The following ZNF474 variants were observed in gnomAD, a reference collection of about 807,000 sequenced individuals.
ZNF474 encodes the protein 4933409D10Rik.
For synonymous variants in ZNF474, 192 were observed against 162.2 expected, an observed-to-expected ratio of 1.18 and a Z score of -1.39; for missense variants, 511 against 433.8, an observed-to-expected ratio of 1.18 and a Z score of -1.58.
chr5:122,146,282 T>C (rs1283830012), intron 1 of ZNF474, among the ~76,000 whole-genome samples: 1 of 152,146 alleles, frequency 6.6e-6, no homozygotes, highest in Non-Finnish European at 1.5e-5. Context: ...GACAATAAGT[T>C]AATAACTGGC....
In ZNF474 at chr5:122,153,009, C is replaced by G; in HGVS notation, c.1019C>G (p.Ala340Gly). ...TCCAAGCAGCAAAGGAACAGGGCAGCACCCAGTGTAACTGATAAGGTAATT... is the reference window on the plus strand; with the variant it reads ...TCCAAGCAGCAAAGGAACAGGGCAGGACCCAGTGTAACTGATAAGGTAATT... The part of the protein sequence containing the change: ...TNSKQQRNRA[A>G]PSVTDKVIHA... Residue 340 changes from alanine (A) to glycine (G), a missense_variant, in exon 2 of 2, where the codon GCA becomes GGA. By Grantham distance (60) the Ala-to-Gly change is moderately conservative. Coordinates refer to ENST00000296600, the MANE Select transcript of ZNF474 (RefSeq NM_207317.3). The G allele has an allele frequency of 6.2e-7, 1 of 1,614,132 alleles. No homozygotes were observed. Among genetic ancestry groups the G allele is most frequent in the South Asian group, 1.1e-5 (1 of 91,082 alleles).
At position 122,152,457 on chromosome 5, in the gene ZNF474, C is replaced by T; in HGVS notation, c.467C>T (p.Ala156Val). ...GSYSLQATNE[A>V]AFQSAQAQLL... is the part of the protein sequence containing the mutation. Reference sequence around the variant, plus strand: ...TACAGTCTTCAGGCAACTAACGAGGCTGCATTTCAGAGTGCCCAGGCTCAG... The same window carrying T: ...TACAGTCTTCAGGCAACTAACGAGGTTGCATTTCAGAGTGCCCAGGCTCAG... The change falls in exon 2 of 2, where the codon GCT becomes GTT. Residue 156 changes from alanine (A) to valine (V), a missense_variant. Physicochemically the swap from Ala to Val is moderately conservative, Grantham distance 64. Transcript: ENST00000296600. The T allele has an allele frequency of 6.2e-7, 1 of 1,614,218 alleles. No homozygotes were observed. Among genetic ancestry groups the T allele is most frequent in the Non-Finnish European group, 8.5e-7 (1 of 1,180,032 alleles).
At chr5:122,131,228 T>C (rs1377909002) in intron 1 of ZNF474, among the ~76,000 whole-genome samples, 2 of 152,176 alleles carry the variant, frequency 1.3e-5, no homozygotes, top group Admixed American at 1.3e-4. Flanking sequence ...ATACAGCCAT[T>C]ATGGATTATG....
At chr5:122,145,118 T>A (rs1405026820) in intron 1 of ZNF474, among the ~76,000 whole-genome samples, 1 of 152,208 alleles carries the variant, frequency 6.6e-6, no homozygotes, top group East Asian at 1.9e-4. Context: ...TTAGATTGAA[T>A]GAAAGTGAAA....
intron 1 of ZNF474, among the ~76,000 whole-genome samples, chr5:122,138,566 C>T (rs1035529273): frequency 1.3e-5 from 2 of 152,174 alleles, no homozygotes; most frequent in Non-Finnish European, 2.9e-5. Flanking sequence ...ACTCAAATCT[C>T]GAGTTTCAGT....
intron 1 of ZNF474, among the ~76,000 whole-genome samples, chr5:122,150,636 G>A (rs1756142052): frequency 6.6e-6 from 1 of 152,108 alleles, no homozygotes; most frequent in Admixed American, 6.5e-5. Flanking sequence ...AAATGAAAAA[G>A]GTCCTGAGGC....
intron 1 of ZNF474, among the ~76,000 whole-genome samples, chr5:122,130,429 A>C (rs1199643398): frequency 1.3e-5 from 2 of 152,204 alleles, no homozygotes. Flanking sequence ...GAATAGAATG[A>C]TACCATATAT....
chr5:122,135,862 C>T (rs1256771405), intron 1 of ZNF474, among the ~76,000 whole-genome samples: 1 of 151,564 alleles, frequency 6.6e-6, no homozygotes, highest in Non-Finnish European at 1.5e-5. Context: ...AACTAGAGGA[C>T]ATTATGTTAA....
intron 1 of ZNF474, among the ~76,000 whole-genome samples, chr5:122,137,643 T>C (rs1256682178): frequency 6.6e-6 from 1 of 151,858 alleles, no homozygotes; most frequent in East Asian, 1.9e-4. Context: ...AGAGAGAGTT[T>C]GACTTGCCTG....
At chr5:122,133,851 C>A (rs948350219) in intron 1 of ZNF474, among the ~76,000 whole-genome samples, 37 of 152,320 alleles carry the variant, frequency 2.4e-4, no homozygotes, top group African/African-American at 8.4e-4. Context: ...TGAGCCATAG[C>A]GCCCAGCTCC....
intron 1 of ZNF474, among the ~76,000 whole-genome samples, chr5:122,137,831 T>C (rs1258145550): frequency 2.6e-5 from 4 of 152,202 alleles, no homozygotes; most frequent in Non-Finnish European, 5.9e-5. Flanking sequence ...GTTTAAGTTG[T>C]GATTGTAGCT....
At chr5:122,141,185 C>G (rs1219407418) in intron 1 of ZNF474, among the ~76,000 whole-genome samples, 1 of 134,292 alleles carries the variant, frequency 7.4e-6, no homozygotes, top group Non-Finnish European at 1.6e-5. Context: ...TGGAAACAGT[C>G]TATTGCTCAG....
chr5:122,142,844 C>G (rs1421894283), intron 1 of ZNF474, among the ~76,000 whole-genome samples: 4 of 152,130 alleles, frequency 2.6e-5, no homozygotes, highest in Admixed American at 6.6e-5. Flanking sequence ...TGGGCACACA[C>G]AAACAACCAG....
At chr5:122,130,561 T>C (rs910635440) in intron 1 of ZNF474, among the ~76,000 whole-genome samples, 1 of 152,194 alleles carries the variant, frequency 6.6e-6, no homozygotes, top group East Asian at 1.9e-4. Context: ...TATATGCTTA[T>C]TTTACATTTG....
intron 1 of ZNF474, among the ~76,000 whole-genome samples, chr5:122,145,261 T>C (rs902709687): frequency 2.0e-5 from 3 of 152,218 alleles, no homozygotes; most frequent in Non-Finnish European, 4.4e-5. Flanking sequence ...TAAGTGGCTT[T>C]TATGAAAATG....
At chr5:122,151,030 A>T (rs562246970) in intron 1 of ZNF474, among the ~76,000 whole-genome samples, 2 of 152,274 alleles carry the variant, frequency 1.3e-5, no homozygotes, top group South Asian at 4.1e-4. Flanking sequence ...AAGTGAATAC[A>T]TGATGTGTCA....
intron 1 of ZNF474, among the ~76,000 whole-genome samples, chr5:122,131,157 G>A (rs1272804824): frequency 6.6e-6 from 1 of 152,122 alleles, no homozygotes; most frequent in East Asian, 1.9e-4. Flanking sequence ...AAGATAACAA[G>A]TGTTGGTGAG....
intron 1 of ZNF474, among the ~76,000 whole-genome samples, chr5:122,133,017 C>T (rs1218722163): frequency 6.6e-6 from 1 of 152,036 alleles, no homozygotes; most frequent in Non-Finnish European, 1.5e-5. Flanking sequence ...GCATGTTGCC[C>T]AAATGTTTCC....
chr5:122,150,081 G>A (rs1756124696), intron 1 of ZNF474, among the ~76,000 whole-genome samples: 1 of 152,146 alleles, frequency 6.6e-6, no homozygotes, highest in Non-Finnish European at 1.5e-5. Context: ...CAAGGAAAAT[G>A]ATAAACTAAA....
Sources: allele counts gnomAD v4.1 joint callset (sites outside exome capture counted in the v4.1 genomes callset), GRCh38; gene constraint gnomAD v4.1.1; transcripts MANE v1.5; gene names NCBI Gene and HGNC (gene_info 2026-07-23, HGNC 2026-07-21).